AGAP1: variants seen among roughly 807,000 people sequenced by gnomAD.
AGAP1 encodes the protein arf-GAP with GTPase, ANK repeat and PH domain-containing protein 1.
Under a neutral mutation model 105.3 loss-of-function variants are expected in AGAP1, and 29 were observed. The observed-to-expected ratio is 0.28, with a 90% CI of 0.21 to 0.38. AGAP1 has a LOEUF of 0.38. Among genes scored for constraint, AGAP1 ranks in the 10% least tolerant of loss-of-function variants. The pLI is 1.00. For synonymous variants in AGAP1, 509 were observed against 485.9 expected, an observed-to-expected ratio of 1.05 and a Z score of -0.63; for missense variants, 998 against 1,165.1, an observed-to-expected ratio of 0.86 and a Z score of 2.09.
Position 235,801,368 on chromosome 2 carries a change from A to T in AGAP1, c.957+1846A>T, listed in dbSNP as rs904404176. On this transcript the variant is annotated intron_variant, in intron 8 of 17. Transcript: ENST00000304032. This position sits in a 1 kb window ranked among gnomAD's most constrained non-coding sequence, Gnocchi z 6.0. Reference sequence around the variant, plus strand: ...CTTCCATGGTTTTCTCACTCCATTGATGCTATAAAATGATTTCTGATCGTG... The same window carrying T: ...CTTCCATGGTTTTCTCACTCCATTGTTGCTATAAAATGATTTCTGATCGTG... 1.3e-5 allele frequency among the ~76,000 whole-genome samples: 2 copies of T among 152,150 alleles called. No homozygotes were observed. The highest frequency in any genetic ancestry group is 4.8e-5 in the African/African-American group (2 of 41,426).
intron 13 of AGAP1, among the ~76,000 whole-genome samples, chr2:236,008,166 G>A (rs928150094): frequency 3.9e-5 from 6 of 152,138 alleles, no homozygotes; most frequent in Non-Finnish European, 5.9e-5. Flanking sequence ...AACTGATCAC[G>A]GTAAAGTTAT....
In AGAP1 at chr2:236,034,242, G is replaced by T. The variant is rs116221446; in HGVS notation, c.1646-2319G>T. Among the ~76,000 whole-genome samples, 1,322 of 152,028 alleles carry T rather than the reference G, an allele frequency of 8.7e-3. 9 individuals are homozygous for T. The highest frequency in any genetic ancestry group is 0.013 in the Non-Finnish European group (914 of 67,984). ...AGATGCAATGGCTCAGCCAGTACTT[G>T]CACGATATCATTGTAAGTCAGCCAT... On this transcript the variant is annotated intron_variant, in intron 13 of 17. Transcript: ENST00000304032.
chr2:236,117,348 C>T (rs2059795058), intron 16 of AGAP1, among the ~76,000 whole-genome samples: 3 of 152,116 alleles, frequency 2.0e-5, no homozygotes, highest in African/African-American at 7.2e-5. Context: ...AAGAACAGCT[C>T]ATTCAAATGT....
intron 11 of AGAP1, among the ~76,000 whole-genome samples, chr2:235,922,284 A>G (rs56954798): frequency 0.035 from 5,281 of 152,296 alleles, 316 homozygotes; most frequent in African/African-American, 0.12. Flanking sequence ...AGGATTTGTT[A>G]AAATAGAAGG....
intron 1 of AGAP1, among the ~76,000 whole-genome samples, chr2:235,606,387 T>C (rs531301342): frequency 6.6e-6 from 1 of 152,202 alleles, no homozygotes; most frequent in Non-Finnish European, 1.5e-5. Flanking sequence ...AGCCAGCATC[T>C]GGTAGATTTG....
At chr2:235,604,605 T>C (rs12990108) in intron 1 of AGAP1, among the ~76,000 whole-genome samples, 1 of 126,052 alleles carries the variant, frequency 7.9e-6, no homozygotes, top group African/African-American at 3.3e-5. Context: ...TTTTTTGAGA[T>C]GGAGTCTCGC....
chr2:236,124,156 G>C lies in AGAP1; in HGVS notation c.*34G>C, dbSNP rs774780766. 7.5e-6 allele frequency: 12 copies of C among 1,604,880 alleles called. No homozygotes were observed. In the Middle Eastern group the frequency reaches 1.5e-3, roughly 200 times the overall value. On this transcript the variant is annotated 3_prime_UTR_variant, in exon 18 of 18. Coordinates refer to ENST00000304032, the MANE Select transcript of AGAP1 (RefSeq NM_001037131.3). This position sits in a 1 kb window ranked among gnomAD's most constrained non-coding sequence, Gnocchi z 5.1. ...CGTGCCCGCCTGCTCGCCGCACCTG[G>C]GACGCGGCAGCCTCGCCGCATTCTC... is the stretch of plus-strand genomic sequence containing the variant.
Position 236,033,902 on chromosome 2 carries a change from G to A in AGAP1, c.1646-2659G>A, listed in dbSNP as rs145747702. Among the ~76,000 whole-genome samples, 4 of 152,344 alleles carry A rather than the reference G, an allele frequency of 2.6e-5. No individual in the cohort carries two copies. In the East Asian group the frequency reaches 7.7e-4, roughly 29 times the overall value. Reference sequence around the variant, plus strand: ...ATGGTTGTAATTTTTTTCACTAGAAGATCCAATAAATGCTGATCAGAGGGA... The same window carrying A: ...ATGGTTGTAATTTTTTTCACTAGAAAATCCAATAAATGCTGATCAGAGGGA... On this transcript the variant is annotated intron_variant, in intron 13 of 17. Coordinates refer to ENST00000304032, the MANE Select transcript of AGAP1 (RefSeq NM_001037131.3).
At position 235,639,314 on chromosome 2, in the gene AGAP1, T is replaced by G. The variant is rs1215048212; in HGVS notation, c.164-69865T>G. 3.3e-5 allele frequency among the ~76,000 whole-genome samples: 5 copies of G among 152,026 alleles called. No homozygotes were observed. Among genetic ancestry groups the G allele is most frequent in the Non-Finnish European group, 7.4e-5 (5 of 68,010 alleles). ...GCTGGGGGCATCCATTTGAAGGTTA[T>G]GGGAAGATGGAAAGCACGCCCTGGA... On this transcript the variant is annotated intron_variant, in intron 1 of 17. Coordinates refer to ENST00000304032, the MANE Select transcript of AGAP1 (RefSeq NM_001037131.3). The surrounding 1 kb of genome is among the most constrained non-coding windows in gnomAD (Gnocchi z 5.3).
Position 235,971,480 on chromosome 2 carries a change from C to G in AGAP1, c.1645+2857C>G, listed in dbSNP as rs181789880. 6.6e-6 allele frequency among the ~76,000 whole-genome samples: 1 copy of G among 152,074 alleles called. No homozygotes were observed. Among genetic ancestry groups the G allele is most frequent in the Non-Finnish European group, 1.5e-5 (1 of 68,006 alleles). Reference sequence around the variant, plus strand: ...CTTTGGGAGGCTGAGGCGGGCGGATCACGAGGTCAGGAGATCGAGACCATC... The same window carrying G: ...CTTTGGGAGGCTGAGGCGGGCGGATGACGAGGTCAGGAGATCGAGACCATC... On this transcript the variant is annotated intron_variant, in intron 13 of 17. Transcript: ENST00000304032. The surrounding 1 kb of genome is among the most constrained non-coding windows in gnomAD (Gnocchi z 4.8).
At position 235,789,693 on chromosome 2, in the gene AGAP1, A is replaced by G. The variant is rs538546538; in HGVS notation, c.674-8066A>G. ...TCAGAAGGTAAGGCATCAAAGGATT[A>G]CTTTGATATACGCAAGGTAAGTCAA... On this transcript the variant is annotated intron_variant, in intron 6 of 17. Transcript: ENST00000304032. The surrounding 1 kb of genome is among the most constrained non-coding windows in gnomAD (Gnocchi z 4.2). Among the ~76,000 whole-genome samples the G allele has an allele frequency of 1.4e-4, 21 of 152,206 alleles. No individual in the cohort carries two copies. Among genetic ancestry groups the G allele is most frequent in the Non-Finnish European group, 2.6e-4 (18 of 68,030 alleles).
chr2:236,070,876 C>T (rs1332392689), intron 16 of AGAP1, among the ~76,000 whole-genome samples: 1 of 152,094 alleles, frequency 6.6e-6, no homozygotes, highest in Admixed American at 6.5e-5. Context: ...CATGGTGGTT[C>T]CATGACTCTG....
In AGAP1 at chr2:236,080,873, C is replaced by T. The variant is rs77988488; in HGVS notation, c.2114+31592C>T. Among the ~76,000 whole-genome samples the T allele has an allele frequency of 5.3e-5, 8 of 152,282 alleles. No homozygotes were observed. In the East Asian group the frequency reaches 1.5e-3, roughly 29 times the overall value. On this transcript the variant is annotated intron_variant, in intron 16 of 17. Transcript: ENST00000304032. The surrounding 1 kb of genome is among the most constrained non-coding windows in gnomAD (Gnocchi z 4.2). ...CTGATTCTCCTATTTATATGACCCT[C>T]TTATAAGGACCCTTGTATATTGGGC...
chr2:235,746,240 C>T (rs547556441), intron 5 of AGAP1, among the ~76,000 whole-genome samples: 4 of 151,142 alleles, frequency 2.6e-5, no homozygotes, highest in Admixed American at 6.6e-5. Flanking sequence ...GAGCCAAGAT[C>T]GTGCCACTGC....
intron 1 of AGAP1, among the ~76,000 whole-genome samples, chr2:235,627,733 A>G (rs188153231): frequency 4.6e-5 from 7 of 152,226 alleles, no homozygotes; most frequent in South Asian, 2.1e-4. Flanking sequence ...TCCCATTGCA[A>G]TACTCCTGTT....
At chr2:235,715,654 G>A (rs539179525) in intron 2 of AGAP1, among the ~76,000 whole-genome samples, 2 of 152,294 alleles carry the variant, frequency 1.3e-5, no homozygotes, top group South Asian at 2.1e-4. Flanking sequence ...ATGAAGGAGT[G>A]CCACTTTCTC....
Position 235,962,755 on chromosome 2 carries a change from T to C in AGAP1, c.1484-5707T>C, listed in dbSNP as rs1260060612. Among the ~76,000 whole-genome samples, 2 of 152,198 alleles carry C rather than the reference T, an allele frequency of 1.3e-5. No homozygotes were observed. The highest frequency in any genetic ancestry group is 2.4e-5 in the African/African-American group (1 of 41,452). ...AGAGGTTGAAAACTAGAAGCTCTGG[T>C]TGAAATTCCATGGGGTTTCTCGCTA... is the stretch of plus-strand genomic sequence containing the variant. On this transcript the variant is annotated intron_variant, in intron 12 of 17. Coordinates refer to ENST00000304032, the MANE Select transcript of AGAP1 (RefSeq NM_001037131.3). This position sits in a 1 kb window ranked among gnomAD's most constrained non-coding sequence, Gnocchi z 5.3.
At position 235,577,138 on chromosome 2, in the gene AGAP1, A is replaced by G. The variant is rs1236600951; in HGVS notation, c.163+82289A>G. Among the ~76,000 whole-genome samples, 1 of 152,234 alleles carries G rather than the reference A, an allele frequency of 6.6e-6. No homozygotes were observed. The highest frequency in any genetic ancestry group is 1.5e-5 in the Non-Finnish European group (1 of 68,038). ...GAATGCCAGCCACATACGTCATTTA[A>G]AGTTTTCTACTAGCTACATTAGAAA... is the stretch of plus-strand genomic sequence containing the variant. On this transcript the variant is annotated intron_variant, in intron 1 of 17. Transcript: ENST00000304032. The surrounding 1 kb of genome is among the most constrained non-coding windows in gnomAD (Gnocchi z 4.5).
chr2:235,914,808 C>T (rs10929152), intron 11 of AGAP1, among the ~76,000 whole-genome samples: 8,434 of 152,184 alleles, frequency 0.055, 793 homozygotes, highest in African/African-American at 0.19. Flanking sequence ...GGCACAGCAG[C>T]AGGCTGTGCG....
Sources: allele counts gnomAD v4.1 joint callset (sites outside exome capture counted in the v4.1 genomes callset), GRCh38; gene constraint gnomAD v4.1.1; non-coding constraint Gnocchi (gnomAD v3.1); transcripts MANE v1.5; gene names NCBI Gene and HGNC (gene_info 2026-07-23, HGNC 2026-07-21).